ODAD2: variants seen among roughly 807,000 people sequenced by gnomAD.
The protein encoded by ODAD2 is outer dynein arm docking complex subunit 2.
ODAD2 carries 89 observed loss-of-function variants against 106.8 expected under a neutral mutation model. The ratio of observed to expected loss-of-function variants is 0.83; its 90% CI spans 0.70 to 0.99. The LOEUF is 0.99. Ranked by LOEUF, ODAD2 falls within the 50% of genes least tolerant of loss-of-function variation. The pLI is 0.00. For synonymous variants in ODAD2, 404 were observed against 436.2 expected (o/e 0.93, Z 0.92); for missense variants, 1,168 against 1,238.5 (o/e 0.94, Z 0.85).
At chr10:27,881,785 T>C (rs1801519572) in intron 17 of ODAD2, among the ~76,000 whole-genome samples, 1 of 152,240 alleles carries the variant, frequency 6.6e-6, no homozygotes, top group South Asian at 2.1e-4. Context: ...CTATGTGTTG[T>C]ACATTGTGAG....
chr10:27,901,673 T>C (rs1356343204), intron 17 of ODAD2, among the ~76,000 whole-genome samples: 1 of 152,044 alleles, frequency 6.6e-6, no homozygotes, highest in East Asian at 1.9e-4. Flanking sequence ...TAGTCTCTGA[T>C]AAAACAGACT....
chr10:27,845,581 T>C (rs556512568), intron 19 of ODAD2, among the ~76,000 whole-genome samples: 52 of 152,270 alleles, frequency 3.4e-4, no homozygotes, highest in African/African-American at 1.1e-3. Context: ...ATATTAACTT[T>C]AAATGTAAAT....
intron 19 of ODAD2, among the ~76,000 whole-genome samples, chr10:27,824,215 CTCTAG>C (rs957705968): frequency 1.3e-5 from 2 of 150,768 alleles, no homozygotes; most frequent in African/African-American, 2.4e-5. Context: ...TTGTATCAGT[CTCTAG>C]TCTAGGAGAA....
chr10:27,901,034 G>A (rs527341699), intron 17 of ODAD2, among the ~76,000 whole-genome samples: 1 of 152,256 alleles, frequency 6.6e-6, no homozygotes, highest in African/African-American at 2.4e-5. Context: ...AGATTGAAAT[G>A]GAGGAAAAAA....
intron 17 of ODAD2, among the ~76,000 whole-genome samples, chr10:27,889,346 T>C (rs909789994): frequency 1.3e-5 from 2 of 152,138 alleles, no homozygotes; most frequent in African/African-American, 4.8e-5. Flanking sequence ...ACAGTCTGCC[T>C]GAAAGAAGAT....
chr10:27,955,448 G>T (rs11006784), intron 10 of ODAD2, among the ~76,000 whole-genome samples: 138 of 152,182 alleles, frequency 9.1e-4, no homozygotes, highest in African/African-American at 3.2e-3. Context: ...CAGGCAATGT[G>T]CAATAAAGAT....
At chr10:27,853,621 A>C (rs538428870) in intron 19 of ODAD2, among the ~76,000 whole-genome samples, 3 of 152,296 alleles carry the variant, frequency 2.0e-5, no homozygotes, top group Non-Finnish European at 4.4e-5. Context: ...GGCATGAGCC[A>C]CTCTGCCTGG....
chr10:27,933,736 G>A (rs750614997), intron 16 of ODAD2, among the ~76,000 whole-genome samples: 11 of 152,158 alleles, frequency 7.2e-5, no homozygotes, highest in Non-Finnish European at 1.3e-4. Flanking sequence ...AGCAAAGTGC[G>A]TTTCAAAAAC....
intron 17 of ODAD2, among the ~76,000 whole-genome samples, chr10:27,900,593 A>C (rs1843132160): frequency 6.6e-6 from 1 of 152,252 alleles, no homozygotes; most frequent in Non-Finnish European, 1.5e-5. Flanking sequence ...TGCTAACTAG[A>C]ATAATCACTT....
intron 12 of ODAD2, among the ~76,000 whole-genome samples, chr10:27,942,433 T>C (rs1329826770): frequency 6.6e-6 from 1 of 152,220 alleles, no homozygotes; most frequent in East Asian, 1.9e-4. Context: ...CTTGTTTATA[T>C]CAGTTAGTCT....
At chr10:27,908,446 T>C (rs1044778507) in intron 16 of ODAD2, among the ~76,000 whole-genome samples, 1 of 152,196 alleles carries the variant, frequency 6.6e-6, no homozygotes, top group Non-Finnish European at 1.5e-5. Context: ...TCTGTTTATA[T>C]ATCAATCAGT....
intron 19 of ODAD2, among the ~76,000 whole-genome samples, chr10:27,851,866 C>A (rs933134489): frequency 1.3e-5 from 2 of 152,128 alleles, no homozygotes; most frequent in African/African-American, 4.8e-5. Context: ...GGAAACTACA[C>A]AAGGCCCATC....
At chr10:27,901,470 C>A (rs146834528) in intron 17 of ODAD2, among the ~76,000 whole-genome samples, 2,865 of 152,230 alleles carry the variant, frequency 0.019, 69 homozygotes, top group African/African-American at 0.057. Flanking sequence ...ATAATATTAA[C>A]CTTAAATGTA....
At chr10:27,955,107 G>A (rs1207374998) in intron 10 of ODAD2, among the ~76,000 whole-genome samples, 1 of 152,184 alleles carries the variant, frequency 6.6e-6, no homozygotes, top group Non-Finnish European at 1.5e-5. Context: ...ATGTTTCTCA[G>A]GAACATGGTA....
In ODAD2 at chr10:27,874,039, T is replaced by C. The variant is rs576150744; in HGVS notation, c.2611-11417A>G. Among the ~76,000 whole-genome samples the C allele has an allele frequency of 9.3e-3, 1,421 of 152,270 alleles. 28 individuals carry two copies. The highest frequency in any genetic ancestry group is 0.032 in the African/African-American group (1,344 of 41,550). On this transcript the variant is annotated intron_variant, in intron 17 of 19. Coordinates refer to ENST00000305242, the MANE Select transcript of ODAD2 (RefSeq NM_018076.5). ...GACTTGCTTTATGAATCTGGGTGCT[T>C]CTGTATTGGGTGCATATATATTTAG...
chr10:27,890,738 T>G (rs1279895123), intron 17 of ODAD2, among the ~76,000 whole-genome samples: 1 of 149,950 alleles, frequency 6.7e-6, no homozygotes, highest in African/African-American at 2.5e-5. Context: ...GGACCCCTTA[T>G]GTCCCCACTT....
chr10:27,817,668 A>C (rs148655241), intron 19 of ODAD2, among the ~76,000 whole-genome samples: 7 of 152,262 alleles, frequency 4.6e-5, no homozygotes, highest in African/African-American at 1.4e-4. Context: ...GACATGATTC[A>C]TTCTTTTTTA....
At chr10:27,924,986 A>T (rs116796994) in intron 16 of ODAD2, among the ~76,000 whole-genome samples, 3,483 of 127,206 alleles carry the variant, frequency 0.027, 111 homozygotes, top group African/African-American at 0.076. Flanking sequence ...AGTATTTAAA[A>T]TGAAAAAAAA....
At position 27,975,080 on chromosome 10, in the gene ODAD2, G is replaced by A. The variant is rs944047937; in HGVS notation, c.937-3767C>T. Among the ~76,000 whole-genome samples, 10 of 152,142 alleles carry A rather than the reference G, an allele frequency of 6.6e-5. No individual in the cohort carries two copies. The South Asian group carries it at 1.0e-3, about 16-fold the overall frequency. ...ACAGGAATTCTGGTGATTTTTGTAC[G>A]TTGATACATTGATTTTGTATCCTGA... On this transcript the variant is annotated intron_variant, in intron 7 of 19. Transcript: ENST00000305242.
Sources: allele counts gnomAD v4.1 joint callset (sites outside exome capture counted in the v4.1 genomes callset), GRCh38; gene constraint gnomAD v4.1.1; transcripts MANE v1.5; gene names NCBI Gene and HGNC (gene_info 2026-07-23, HGNC 2026-07-21).